DCTN4: variants seen among roughly 807,000 people sequenced by gnomAD.
DCTN4 encodes dynactin subunit 4.
Under a neutral mutation model 62.7 loss-of-function variants are expected in DCTN4, and 23 were observed. That is an observed-to-expected ratio of 0.37 (90% CI 0.26 to 0.52). DCTN4 has a LOEUF of 0.52. DCTN4 is among the 20% of genes least tolerant of loss of function. DCTN4 has a pLI of 0.92. For synonymous variants in DCTN4, 199 were observed against 202.1 expected (o/e 0.98, Z 0.13); for missense variants, 514 against 580.4 (o/e 0.89, Z 1.18).
chr5:150,742,009 G>A, intron 4 of DCTN4, 105 bp downstream of exon 4: 1 of 940,482 alleles, frequency 1.1e-6, no homozygotes, highest in Non-Finnish European at 1.8e-6. Flanking sequence ...GACGTATTAT[G>A]GACTTATAAA....
intron 4 of DCTN4, among the ~76,000 whole-genome samples, chr5:150,737,216 A>C (rs2113083326): frequency 6.6e-6 from 1 of 152,334 alleles, no homozygotes; most frequent in South Asian, 2.1e-4. Flanking sequence ...ATCAAGATAG[A>C]TGGTCAACAA....
chr5:150,758,804 C>T lies in DCTN4; in HGVS notation c.135+55G>A, dbSNP rs377120490. ...CCAGCCTTCCGGTGGCAGTGACTAG[C>T]ATGAACGCCGCGCCCCCCCCACCCC... On this transcript the variant is annotated intron_variant, in intron 1 of 12. Coordinates refer to ENST00000447998, the MANE Select transcript of DCTN4 (RefSeq NM_016221.4). 3.8e-5 allele frequency: 61 copies of T among 1,600,318 alleles called. No individual in the cohort carries two copies. In the South Asian group the frequency reaches 5.7e-4, roughly 15 times the overall value.
intron 3 of DCTN4, among the ~76,000 whole-genome samples, chr5:150,749,725 C>G (rs1752604171): frequency 6.6e-6 from 1 of 152,014 alleles, no homozygotes; most frequent in Non-Finnish European, 1.5e-5. Context: ...ATCCTATGAC[C>G]TAATAATTTC....
chr5:150,756,351 T>C (rs1413128047), intron 2 of DCTN4, 66 bp downstream of exon 2: 1 of 1,231,234 alleles, frequency 8.1e-7, no homozygotes, highest in Non-Finnish European at 1.1e-6. Context: ...TGTGTCTTTT[T>C]AACTAGCTAT....
At chr5:150,738,450 G>A (rs1760657779) in intron 4 of DCTN4, among the ~76,000 whole-genome samples, 1 of 152,190 alleles carries the variant, frequency 6.6e-6, no homozygotes. Flanking sequence ...GGGATGCAGG[G>A]ATGGTTTGAA....
At chr5:150,726,553 T>C (rs1245351093) in intron 8 of DCTN4, among the ~76,000 whole-genome samples, 2 of 152,208 alleles carry the variant, frequency 1.3e-5, no homozygotes, top group African/African-American at 4.8e-5. Flanking sequence ...AAAACCATTA[T>C]AATGTTTTTA....
intron 11 of DCTN4, among the ~76,000 whole-genome samples, chr5:150,717,619 G>C (rs1470236751): frequency 1.3e-5 from 2 of 152,140 alleles, no homozygotes; most frequent in Non-Finnish European, 2.9e-5. Flanking sequence ...GCTTCTAAAT[G>C]ATTTTAAACG....
chr5:150,746,146 A>G (rs1760953831), intron 3 of DCTN4, among the ~76,000 whole-genome samples: 1 of 151,976 alleles, frequency 6.6e-6, no homozygotes, highest in African/African-American at 2.4e-5. Context: ...AACTACCATC[A>G]GAGAATACTA....
intron 3 of DCTN4, among the ~76,000 whole-genome samples, chr5:150,749,189 A>T (rs933969691): frequency 6.6e-6 from 1 of 152,176 alleles, no homozygotes; most frequent in African/African-American, 2.4e-5. Context: ...ACTGGGAGTA[A>T]ATATTTGCAA....
At chr5:150,738,424 AGT>A (rs1194962497) in intron 4 of DCTN4, among the ~76,000 whole-genome samples, 2 of 152,254 alleles carry the variant, frequency 1.3e-5, no homozygotes, top group African/African-American at 4.8e-5. Context: ...ACCATGATCA[AGT>A]GGGTTTAATA....
At chr5:150,738,165 T>C (rs1760646735) in intron 4 of DCTN4, among the ~76,000 whole-genome samples, 1 of 151,578 alleles carries the variant, frequency 6.6e-6, no homozygotes, top group Admixed American at 6.6e-5. Context: ...ACCAGATGGA[T>C]TCACAGCTGA....
At chr5:150,725,263 T>G (rs1760102195) in intron 8 of DCTN4, among the ~76,000 whole-genome samples, 1 of 151,870 alleles carries the variant, frequency 6.6e-6, no homozygotes, top group Admixed American at 6.6e-5. Context: ...TTTTGGTTTG[T>G]ATTTGTGGAG....
At chr5:150,743,880 C>T (rs1333018142) in intron 3 of DCTN4, among the ~76,000 whole-genome samples, 1 of 152,194 alleles carries the variant, frequency 6.6e-6, no homozygotes, top group Admixed American at 6.5e-5. Flanking sequence ...AAAAGCAGAG[C>T]ACCTCTCCTC....
At chr5:150,741,164 CA>C (rs754641920) in intron 4 of DCTN4, among the ~76,000 whole-genome samples, 2,747 of 58,326 alleles carry the variant, frequency 0.047, 57 homozygotes, top group African/African-American at 0.13. Flanking sequence ...GATCCTGTCT[CA>C]AAAAAAAAAA....
chr5:150,731,621 T>A, intron 5 of DCTN4, 132 bp from the exon 6 acceptor site: 1 of 715,966 alleles, frequency 1.4e-6, no homozygotes, highest in East Asian at 2.7e-5. Flanking sequence ...TCTAAAGGCT[T>A]CTTTTAAAGA....
intron 3 of DCTN4, among the ~76,000 whole-genome samples, chr5:150,748,943 GA>G (rs983426605): frequency 1.4e-5 from 2 of 146,966 alleles, no homozygotes; most frequent in African/African-American, 2.5e-5. Flanking sequence ...ATAATAATAA[GA>G]AAAAAAAAGA....
At chr5:150,749,265 A>G (rs141927638) in intron 3 of DCTN4, among the ~76,000 whole-genome samples, 97 of 152,350 alleles carry the variant, frequency 6.4e-4, no homozygotes, top group Admixed American at 1.5e-3. Flanking sequence ...TTAAAAAACC[A>G]AATCAAAACA....
intron 4 of DCTN4, among the ~76,000 whole-genome samples, chr5:150,739,072 T>G (rs534494281): frequency 1.5e-4 from 23 of 151,610 alleles, no homozygotes; most frequent in Non-Finnish European, 1.9e-4. Flanking sequence ...TCCCAGCTAC[T>G]CAGGAGGCTG....
chr5:150,758,274 C>G (rs780577620), intron 1 of DCTN4: 12 of 985,528 alleles, frequency 1.2e-5, no homozygotes, highest in Non-Finnish European at 1.3e-5. Context: ...GCATTGTCCT[C>G]TAGCTCCATA....
Sources: gnomAD v4.1 joint callset for allele counts (sites outside exome capture counted in the v4.1 genomes callset) on GRCh38, gnomAD v4.1.1 for gene constraint, MANE v1.5 for transcripts, NCBI Gene and HGNC (gene_info 2026-07-23, HGNC 2026-07-21) for gene names.